ONECUT2: variants seen among roughly 807,000 people sequenced by gnomAD.
ONECUT2 encodes the protein one cut domain family member 2.
ONECUT2 carries 10 observed loss-of-function variants against 27.9 expected under a neutral mutation model. The ratio of observed to expected loss-of-function variants is 0.36; its 90% CI spans 0.22 to 0.61. The LOEUF (loss-of-function observed/expected upper bound fraction) is 0.61, where lower values mean the gene tolerates loss of function less well. ONECUT2 is among the 20% of genes least tolerant of loss of function. The pLI, the probability that ONECUT2 is intolerant of heterozygous loss-of-function variation, is 0.73. For synonymous variants in ONECUT2, 334 were observed against 315.1 expected, an observed-to-expected ratio of 1.06 and a Z score of -0.64; for missense variants, 686 against 721.0, an observed-to-expected ratio of 0.95 and a Z score of 0.56.
chr18:57,436,040 C>T lies in ONECUT2; in HGVS notation c.324C>T (p.Thr108=), dbSNP rs1475275165. 2.5e-6 allele frequency: 4 copies of T among 1,581,742 alleles called. No homozygotes were observed. Among genetic ancestry groups the T allele is most frequent in the Non-Finnish European group, 3.4e-6 (4 of 1,169,336 alleles). ...CGGCGTCGCGCTCGGCCATGGTCAC[C>T]AGCATGGCCTCGATCCTGGACGGCG... is the stretch of plus-strand genomic sequence containing the variant. ...AAAASRSAMV[T]SMASILDGGD... Residue 108 remains threonine (T), a synonymous_variant, in exon 1 of 2, where the codon ACC becomes ACT. Coordinates refer to ENST00000491143, the MANE Select transcript of ONECUT2 (RefSeq NM_004852.3). This position sits in a 1 kb window ranked among gnomAD's most constrained non-coding sequence, Gnocchi z 5.9.
rs1454699704 is a variant in ONECUT2 at position 57,484,862 on chromosome 18, A to G, written c.*8139A>G. The G allele has an allele frequency of 6.6e-6, 1 of 152,234 alleles. No homozygotes were observed. The highest frequency in any genetic ancestry group is 2.4e-5 in the African/African-American group (1 of 41,462). The allele number at this position is 152,234 out of a possible 1,614,324, so 9.4% of individuals were successfully genotyped here. ...TACCTCTGCATGAGAGCGGTCCCAC[A>G]TTGACAAATAGGATGGTGGCAATCC... On this transcript the variant is annotated 3_prime_UTR_variant, in exon 2 of 2. Coordinates refer to ENST00000491143, the MANE Select transcript of ONECUT2 (RefSeq NM_004852.3).
At chr18:57,458,406 G>A (rs1451674280) in intron 1 of ONECUT2, among the ~76,000 whole-genome samples, 2 of 152,154 alleles carry the variant, frequency 1.3e-5, no homozygotes, top group African/African-American at 4.8e-5. Flanking sequence ...GTATAAATAG[G>A]TAGAAAGACA....
intron 1 of ONECUT2, among the ~76,000 whole-genome samples, chr18:57,452,316 T>C (rs1004870319): frequency 1.3e-5 from 2 of 152,210 alleles, no homozygotes; most frequent in Non-Finnish European, 2.9e-5. Flanking sequence ...TTAGTAAATA[T>C]GCAAGGATAA....
Position 57,436,420 on chromosome 18 carries a change from G to A in ONECUT2, c.704G>A (p.Gly235Glu). ...CTGGCCGCCACGCCGCTGGGCAACG[G>A]GCTAGGCGGCCTCCACAACGCGCAG... is the stretch of plus-strand genomic sequence containing the variant. ...SPLAATPLGN[G>E]LGGLHNAQQS... Residue 235 changes from glycine to glutamate, a missense_variant, in exon 1 of 2, where the codon GGG (glycine) becomes GAG (glutamate). By Grantham distance (98) the Gly-to-Glu change is moderately conservative (BLOSUM62 -2). Coordinates refer to ENST00000491143, the MANE Select transcript of ONECUT2 (RefSeq NM_004852.3). This position sits in a 1 kb window ranked among gnomAD's most constrained non-coding sequence, Gnocchi z 5.9. 2 of 1,611,866 alleles carry A rather than the reference G, an allele frequency of 1.2e-6. No individual in the cohort carries two copies. Among genetic ancestry groups the A allele is most frequent in the Non-Finnish European group, 1.7e-6 (2 of 1,179,852 alleles).
At chr18:57,451,119 G>T (rs867675297) in intron 1 of ONECUT2, among the ~76,000 whole-genome samples, 1 of 152,162 alleles carries the variant, frequency 6.6e-6, no homozygotes, top group African/African-American at 2.4e-5. Flanking sequence ...TACATCTTAC[G>T]TGGAAATTAT....
In ONECUT2 at chr18:57,476,953, TAG is replaced by T; in HGVS notation, c.*232_*233del. ...AGTGCAAGCTGAAAAATTAATCTCT[TAG>T]AACCAGACACTGTTCTCTGAGCATG... On this transcript the variant is annotated 3_prime_UTR_variant, in exon 2 of 2. Coordinates refer to ENST00000491143, the MANE Select transcript of ONECUT2 (RefSeq NM_004852.3). 1.8e-6 allele frequency: 1 copy of T among 567,976 alleles called. No individual in the cohort carries two copies. Among genetic ancestry groups the T allele is most frequent in the South Asian group, 2.2e-5 (1 of 46,314 alleles). 35.2% of individuals were successfully genotyped at this position (567,976 alleles called of 1,614,324 possible).
intron 1 of ONECUT2, among the ~76,000 whole-genome samples, chr18:57,470,771 CACCACACACACACA>C (rs1468259355): frequency 1.3e-5 from 2 of 151,950 alleles, no homozygotes; most frequent in Non-Finnish European, 2.9e-5. Flanking sequence ...TTACCCTCCA[CACCACACACACACA>C]ACCACACACA....
chr18:57,448,465 C>G (rs2050212879), intron 1 of ONECUT2, among the ~76,000 whole-genome samples: 1 of 151,954 alleles, frequency 6.6e-6, no homozygotes, highest in Non-Finnish European at 1.5e-5. Context: ...GTCTAAATGC[C>G]CAAAATTTTG....
intron 1 of ONECUT2, among the ~76,000 whole-genome samples, chr18:57,456,754 A>T (rs1293264878): frequency 6.6e-6 from 1 of 152,222 alleles, no homozygotes; most frequent in Non-Finnish European, 1.5e-5. Flanking sequence ...CCATAATTTC[A>T]AAGAAAGATT....
intron 1 of ONECUT2, chr18:57,444,548 G>T (rs1274794859): frequency 2.4e-6 from 1 of 418,124 alleles, no homozygotes; most frequent in Non-Finnish European, 4.8e-6. Flanking sequence ...GAGCAAGCTT[G>T]GAGTCCCCAC....
chr18:57,463,025 C>T (rs879575573), intron 1 of ONECUT2, among the ~76,000 whole-genome samples: 5 of 152,258 alleles, frequency 3.3e-5, no homozygotes, highest in East Asian at 3.9e-4. Context: ...AGCCACTGTG[C>T]TCGGCCTACC....
chr18:57,435,735 G>T lies in ONECUT2; in HGVS notation c.19G>T (p.Ala7Ser). The T allele has an allele frequency of 8.0e-7, 1 of 1,253,818 alleles. No individual in the cohort carries two copies. The highest frequency in any genetic ancestry group is 1.0e-6 in the Non-Finnish European group (1 of 964,986). The allele number at this position is 1,253,818 out of a possible 1,614,324, so 77.7% of individuals were successfully genotyped here. A position where few individuals can be genotyped will look rare whatever the true frequency, so the allele number is the denominator to read the frequency against. MKAAYT[A>S]YRCLTKDLEG... ...GGACTGAATGAAGGCTGCCTACACC[G>T]CCTATCGATGCCTCACCAAAGACCT... The change falls in exon 1 of 2, where the codon GCC becomes TCC. Residue 7 changes from alanine (A) to serine (S), a missense_variant. Ala to Ser is a moderately conservative substitution (Grantham distance 99). Around this residue, in one of 4 missense-constraint regions of ONECUT2, gnomAD observed 511 missense variants for 488.1 expected, o/e 1.05. Transcript: ENST00000491143.
rs1183195782 is a variant in ONECUT2, at chr18:57,483,257, G to T, written c.*6534G>T. The T allele has an allele frequency of 1.3e-5, 2 of 152,618 alleles. No homozygotes were observed. Among genetic ancestry groups the T allele is most frequent in the Non-Finnish European group, 2.9e-5 (2 of 68,020 alleles). 9.5% of individuals were successfully genotyped at this position (152,618 alleles called of 1,614,324 possible). On this transcript the variant is annotated 3_prime_UTR_variant, in exon 2 of 2. Transcript: ENST00000491143. ...GGTCTTGGGGAGACTGCGTTAGCTA[G>T]TGGGGAGTGGTGATTTTTTTCATGC...
chr18:57,473,514 C>G (rs533771068), intron 1 of ONECUT2, among the ~76,000 whole-genome samples: 1 of 152,088 alleles, frequency 6.6e-6, no homozygotes, highest in African/African-American at 2.4e-5. Flanking sequence ...TTGCAAGGCC[C>G]CAGGTCTTGG....
chr18:57,490,255 A>C lies in ONECUT2; in HGVS notation c.*13532A>C, dbSNP rs2050458568. On this transcript the variant is annotated 3_prime_UTR_variant, in exon 2 of 2. Transcript: ENST00000491143. Reference sequence around the variant, plus strand: ...GCTATCCTTCCACCAAAGTGAGTGAAAACAAGTTCCAGTATCTTTTCTTCC... The same window carrying C: ...GCTATCCTTCCACCAAAGTGAGTGACAACAAGTTCCAGTATCTTTTCTTCC... 6.6e-6 allele frequency: 1 copy of C among 152,218 alleles called. No individual in the cohort carries two copies. Among genetic ancestry groups the C allele is most frequent in the Admixed American group, 6.5e-5 (1 of 15,282 alleles). 9.4% of individuals were successfully genotyped at this position (152,218 alleles called of 1,614,324 possible). A position where few individuals can be genotyped will look rare whatever the true frequency, so the allele number is the denominator to read the frequency against.
At position 57,477,019 on chromosome 18, in the gene ONECUT2, C is replaced by T. The variant is rs1362671231; in HGVS notation, c.*296C>T. On this transcript the variant is annotated 3_prime_UTR_variant, in exon 2 of 2. Transcript: ENST00000491143. ...AAACCCAAATGGGGCCTTCCTGGAGCGAGTTAATTCCAGTATGGTGTCAAC... is the reference window on the plus strand; with the variant it reads ...AAACCCAAATGGGGCCTTCCTGGAGTGAGTTAATTCCAGTATGGTGTCAAC... The T allele has an allele frequency of 2.0e-5, 8 of 391,526 alleles. No homozygotes were observed. Among genetic ancestry groups the T allele is most frequent in the South Asian group, 6.6e-5 (2 of 30,378 alleles). 24.3% of individuals were successfully genotyped at this position (391,526 alleles called of 1,614,324 possible). A position where few individuals can be genotyped will look rare whatever the true frequency, so the allele number is the denominator to read the frequency against.
chr18:57,454,245 C>T (rs925819494), intron 1 of ONECUT2, among the ~76,000 whole-genome samples: 1 of 152,128 alleles, frequency 6.6e-6, no homozygotes, highest in Admixed American at 6.5e-5. Context: ...CTTAGAATAA[C>T]TGGTAAATAG....
At chr18:57,474,712 G>C (rs915262697) in intron 1 of ONECUT2, among the ~76,000 whole-genome samples, 1 of 152,122 alleles carries the variant, frequency 6.6e-6, no homozygotes, top group African/African-American at 2.4e-5. Context: ...TTTTTGGGGG[G>C]ACATAAACAT....
intron 1 of ONECUT2, among the ~76,000 whole-genome samples, chr18:57,450,394 A>C (rs1170263607): frequency 6.6e-6 from 1 of 152,122 alleles, no homozygotes; most frequent in African/African-American, 2.4e-5. Context: ...GGCTGGTCTC[A>C]AACTCCTGAC....
Sources: gnomAD v4.1 joint callset for allele counts (sites outside exome capture counted in the v4.1 genomes callset) on GRCh38, gnomAD v4.1.1 for gene constraint, gnomAD v4.1.1 regional missense constraint, Gnocchi (gnomAD v3.1) non-coding constraint, MANE v1.5 for transcripts, NCBI Gene and HGNC (gene_info 2026-07-23, HGNC 2026-07-21) for gene names.